Variants in NUP188 observed in about 807,000 individuals in gnomAD.
NUP188 encodes the protein nucleoporin 188.
Under a neutral mutation model 223.0 loss-of-function variants are expected in NUP188, and 97 were observed. The ratio of observed to expected loss-of-function variants is 0.43; its 90% confidence interval spans 0.37 to 0.51. The LOEUF is 0.51. NUP188 is among the 20% of genes least tolerant of loss of function. The probability of loss-of-function intolerance (pLI) is 0.00; values close to 1 mark genes in which losing one functional copy is unlikely to be tolerated. For missense variants in NUP188, 1,947 were observed against 2,175.6 expected, an observed-to-expected ratio of 0.89 and a Z score of 2.09; for synonymous variants, 869 against 828.0, an observed-to-expected ratio of 1.05 and a Z score of -0.85.
intron 15 of NUP188, 102 bp from the exon 16 acceptor site, chr9:128,982,447 G>T: frequency 1.8e-6 from 2 of 1,091,246 alleles, no homozygotes; most frequent in East Asian, 2.4e-5. Context: ...AAATGTCTGT[G>T]AGTTTGTGTA....
intron 24 of NUP188, 146 bp from the exon 25 acceptor site, chr9:128,989,974 C>CA (rs765376361): frequency 1.5e-6 from 1 of 671,780 alleles, no homozygotes; most frequent in Non-Finnish European, 2.7e-6. Context: ...GAGAAGGATA[C>CA]AGCCACCTAG....
intron 8 of NUP188, among the ~76,000 whole-genome samples, chr9:128,965,986 G>A (rs17432924): frequency 6.7e-6 from 1 of 149,614 alleles, no homozygotes; most frequent in Non-Finnish European, 1.5e-5. Context: ...TAGTAGAGAT[G>A]GGGTCTCACC....
chr9:128,982,588 GC>G lies in NUP188; in HGVS notation c.1558del (p.Gln520LysfsTer2). 1 of 1,614,076 alleles carries G rather than the reference GC, an allele frequency of 6.2e-7. No individual in the cohort carries two copies. Among genetic ancestry groups the G allele is most frequent in the Non-Finnish European group, 8.5e-7 (1 of 1,179,978 alleles). ...TNLRIPQGTVGQVMLDDRAYL... is the reference protein window; with the variant it reads ...TNLRIPQGTVXQVMLDDRAYL... ...CTTCGCATACCTCAAGGCACTGTGG[GC>G]CAAGTAATGTTGGATGATAGGGCAT... On this transcript the variant is annotated frameshift_variant, in exon 16 of 44. Coordinates refer to ENST00000372577, the MANE Select transcript of NUP188 (RefSeq NM_015354.3). LOFTEE classifies it high-confidence loss of function.
intron 12 of NUP188, among the ~76,000 whole-genome samples, chr9:128,978,943 T>C (rs1297072520): frequency 6.6e-6 from 1 of 152,196 alleles, no homozygotes; most frequent in East Asian, 1.9e-4. Flanking sequence ...ACTCCTGACC[T>C]CAAGTGATCT....
intron 8 of NUP188, among the ~76,000 whole-genome samples, chr9:128,960,305 T>A (rs1014062851): frequency 1.3e-5 from 2 of 151,832 alleles, no homozygotes; most frequent in Non-Finnish European, 2.9e-5. Flanking sequence ...GCCAGGATGG[T>A]CTCTATCTCC....
chr9:129,000,448 A>T (rs1161136949), intron 34 of NUP188, among the ~76,000 whole-genome samples: 1 of 152,038 alleles, frequency 6.6e-6, no homozygotes, highest in South Asian at 2.1e-4. Context: ...CCACCCGAGT[A>T]GCTGGGGCTA....
rs760628025 is a variant in NUP188 at position 128,993,164 on chromosome 9, A to G, written c.2641-33A>G. 14 of 1,579,988 alleles carry G rather than the reference A, an allele frequency of 8.9e-6. No homozygotes were observed. In the South Asian group the frequency reaches 1.4e-4, roughly 16 times the overall value. On this transcript the variant is annotated intron_variant, in intron 25 of 43. Transcript: ENST00000372577. ...CCCATTGAGGTTTTTGTGGAAGCAG[A>G]GCTCTAAGCCTGTGTGTTCCGGTCT... is the stretch of plus-strand genomic sequence containing the variant.
intron 36 of NUP188, 65 bp downstream of exon 36, chr9:129,002,041 C>T: frequency 7.8e-7 from 1 of 1,278,654 alleles, no homozygotes; most frequent in East Asian, 2.3e-5. Flanking sequence ...TGAAAAGTGT[C>T]CTCCCCTACC....
rs943561046 is a variant in NUP188 at position 128,981,357 on chromosome 9, C to T, written c.1483C>T (p.Arg495Trp). The T allele has an allele frequency of 8.1e-6, 13 of 1,613,494 alleles. No individual in the cohort carries two copies. Among genetic ancestry groups the T allele is most frequent in the African/African-American group, 4.0e-5 (3 of 74,826 alleles). ...CTCCCATGAAGATGGAACTCTTTGG[C>T]GGAGACAAACACCCAAACTCCTTTA... ...VISHEDGTLWRRQTPKLLYPL... is the reference protein window; with the variant it reads ...VISHEDGTLWWRQTPKLLYPL... The change falls in exon 15 of 44, where the codon CGG becomes TGG. Residue 495 changes from arginine (R) to tryptophan (W), a missense_variant. Arg to Trp is a moderately radical substitution (Grantham distance 101). This residue lies in a region of NUP188 where 817 missense variants were observed against 865.8 expected (regional missense o/e 0.94). Coordinates refer to ENST00000372577, the MANE Select transcript of NUP188 (RefSeq NM_015354.3).
rs752094288 is a variant in NUP188 at position 129,005,485 on chromosome 9, C to T, written c.4692C>T (p.Ala1564=). ...LLKILSKTLA[A]LRHFTPDVCQ... ...AGATCCTCAGCAAGACGCTGGCAGC[C>T]CTGCGCCACTTCACCCCAGATGTCT... Residue 1564 remains alanine (A), a synonymous_variant, in exon 40 of 44, where the codon GCC becomes GCT. Transcript: ENST00000372577. 43 of 1,605,916 alleles carry T rather than the reference C, an allele frequency of 2.7e-5. 1 individual carries two copies. The highest frequency in any genetic ancestry group is 3.3e-4 in the Middle Eastern group (2 of 6,084).
chr9:128,972,942 T>C (rs1020442101), intron 11 of NUP188, among the ~76,000 whole-genome samples: 3 of 152,216 alleles, frequency 2.0e-5, no homozygotes, highest in Non-Finnish European at 2.9e-5. Flanking sequence ...ATAATTCCCT[T>C]CTGATTTTAT....
chr9:128,960,221 G>A (rs369503393), intron 8 of NUP188, among the ~76,000 whole-genome samples: 48 of 151,104 alleles, frequency 3.2e-4, no homozygotes, highest in African/African-American at 1.0e-3. Context: ...CCGCCACCAC[G>A]CCCAGCTAAT....
At chr9:128,998,803 G>C (rs2131186870) in intron 32 of NUP188, among the ~76,000 whole-genome samples, 180 bp downstream of exon 32, 1 of 152,204 alleles carries the variant, frequency 6.6e-6, no homozygotes, top group East Asian at 1.9e-4. Context: ...GATGGAGCAG[G>C]GGCAGTGTGT....
intron 38 of NUP188, chr9:129,003,765 G>A (rs992957466): frequency 5.3e-6 from 2 of 373,896 alleles, no homozygotes; most frequent in Admixed American, 8.6e-5. Flanking sequence ...AGGCAGTCAG[G>A]AGTTCGAGAT....
Position 129,006,377 on chromosome 9 carries a change from G to A in NUP188, c.5073+9G>A. On this transcript the variant is annotated intron_variant, in intron 43 of 43. Transcript: ENST00000372577. ...AGCTCAGCTCTGAGTTGGTACGGAT[G>A]GATAGGGATACGGAGGGCTGGACCA... is the stretch of plus-strand genomic sequence containing the variant. The A allele has an allele frequency of 1.2e-6, 2 of 1,614,188 alleles. No individual in the cohort carries two copies. The highest frequency in any genetic ancestry group is 1.1e-5 in the South Asian group (1 of 91,070).
chr9:128,977,742 T>C (rs1842195844), intron 12 of NUP188, among the ~76,000 whole-genome samples: 1 of 151,746 alleles, frequency 6.6e-6, no homozygotes, highest in Admixed American at 6.6e-5. Context: ...GAGGTTGCAG[T>C]GAGCCGAGAT....
chr9:129,005,588 C>A, intron 40 of NUP188, 57 bp from the exon 41 acceptor site: 1 of 1,610,918 alleles, frequency 6.2e-7, no homozygotes, highest in Non-Finnish European at 8.5e-7. Context: ...CTGCTGTGTA[C>A]CGAGAGCTAC....
chr9:128,951,552 A>G (rs1455699301), intron 2 of NUP188, among the ~76,000 whole-genome samples: 1 of 152,170 alleles, frequency 6.6e-6, no homozygotes, highest in Non-Finnish European at 1.5e-5. Flanking sequence ...TAAGTATATC[A>G]AACATTAGAG....
At chr9:128,987,035 A>G (rs1199920518) in intron 22 of NUP188, among the ~76,000 whole-genome samples, 160 bp downstream of exon 22, 2 of 140,980 alleles carry the variant, frequency 1.4e-5, no homozygotes, top group Non-Finnish European at 3.0e-5. Flanking sequence ...CCTGTTTATC[A>G]TTTCTCACTG....
Sources: allele counts gnomAD v4.1 joint callset (sites outside exome capture counted in the v4.1 genomes callset), GRCh38; gene constraint gnomAD v4.1.1; regional missense constraint gnomAD v4.1.1; transcripts MANE v1.5; gene names NCBI Gene and HGNC (gene_info 2026-07-23, HGNC 2026-07-21).